NAV3: variants seen among roughly 807,000 people sequenced by gnomAD.
NAV3 encodes pore membrane and/or filament interacting like protein 1.
A neutral mutation model predicts 244.7 loss-of-function variants in NAV3; 87 were observed. The observed-to-expected ratio is 0.36, with a 90% CI of 0.30 to 0.42. NAV3 has a LOEUF of 0.42. Ranked by LOEUF, NAV3 falls within the 20% of genes least tolerant of loss-of-function variation. NAV3 has a pLI of 1.00. For synonymous variants in NAV3, 1,126 were observed against 1,042.2 expected, an observed-to-expected ratio of 1.08 and a Z score of -1.55; for missense variants, 2,663 against 2,893.3, an observed-to-expected ratio of 0.92 and a Z score of 1.83.
chr12:77,998,503 A>G, intron 7 of NAV3, 27 bp downstream of exon 7: 4 of 1,578,020 alleles, frequency 2.5e-6, no homozygotes, highest in Non-Finnish European at 2.6e-6. Flanking sequence ...TCATTATGAC[A>G]CAAGTCCAAC....
At chr12:78,208,656 T>C (rs140241789) in intron 39 of NAV3, among the ~76,000 whole-genome samples, 226 of 152,298 alleles carry the variant, frequency 1.5e-3, no homozygotes, top group Non-Finnish European at 2.8e-3. Context: ...ATATTTACTA[T>C]ATGACACCAT....
intron 5 of NAV3, among the ~76,000 whole-genome samples, chr12:77,969,994 T>A (rs1302566222): frequency 6.6e-6 from 1 of 152,196 alleles, no homozygotes; most frequent in Non-Finnish European, 1.5e-5. Flanking sequence ...GAAGGAATAA[T>A]TTAGACTATA....
chr12:77,987,125 G>T (rs1270078955), intron 5 of NAV3, among the ~76,000 whole-genome samples: 2 of 151,956 alleles, frequency 1.3e-5, no homozygotes, highest in African/African-American at 4.8e-5. Context: ...CTGTCAAATG[G>T]TATATTTTGA....
chr12:77,642,872 A>G (rs185319620), intron 2 of NAV3, among the ~76,000 whole-genome samples: 1 of 152,140 alleles, frequency 6.6e-6, no homozygotes, highest in Non-Finnish European at 1.5e-5. Flanking sequence ...TATTAATATG[A>G]AAGCTAATTT....
chr12:77,645,171 G>T (rs1316119516), intron 2 of NAV3, among the ~76,000 whole-genome samples: 1 of 152,054 alleles, frequency 6.6e-6, no homozygotes, highest in Non-Finnish European at 1.5e-5. Flanking sequence ...AAAAGAGATG[G>T]TAAAACAGCA....
Position 77,973,539 on chromosome 12 carries a change from C to G in NAV3, c.671+4837C>G, listed in dbSNP as rs796462620. Among the ~76,000 whole-genome samples, 2 of 152,152 alleles carry G rather than the reference C, an allele frequency of 1.3e-5. 1 individual carries two copies. Among genetic ancestry groups the G allele is most frequent in the Non-Finnish European group, 2.9e-5 (2 of 68,018 alleles). ...AATCCCCGGGTACACGTTTTCTGAACGGCTTGGCTGTTCCCTTGCAGCCCC... is the reference window on the plus strand; with the variant it reads ...AATCCCCGGGTACACGTTTTCTGAAGGGCTTGGCTGTTCCCTTGCAGCCCC... On this transcript the variant is annotated intron_variant, in intron 5 of 39. Transcript: ENST00000397909.
intron 2 of NAV3, among the ~76,000 whole-genome samples, chr12:77,822,296 C>T (rs1047363724): frequency 1.3e-5 from 2 of 152,118 alleles, no homozygotes; most frequent in African/African-American, 4.8e-5. Flanking sequence ...TTTAAAAATC[C>T]GTTAGCTGTC....
At chr12:77,635,606 G>A (rs1411586119) in intron 2 of NAV3, among the ~76,000 whole-genome samples, 2 of 152,132 alleles carry the variant, frequency 1.3e-5, no homozygotes, top group Non-Finnish European at 2.9e-5. Context: ...GGAACTTCCT[G>A]ATAAATTGGG....
At position 78,122,069 on chromosome 12, in the gene NAV3, C is replaced by T. The variant is rs772840862; in HGVS notation, c.3879C>T (p.Ser1293=). 3.0e-5 allele frequency: 48 copies of T among 1,614,050 alleles called. 1 individual carries two copies. In the South Asian group the frequency reaches 4.5e-4, roughly 15 times the overall value. Residue 1293 remains serine (S), a synonymous_variant, in exon 16 of 40, where the codon TCC becomes TCT. Coordinates refer to ENST00000397909, the MANE Select transcript of NAV3 (RefSeq NM_001024383.2). Reference sequence around the variant, plus strand: ...AAGGCAGTCTGGAGTCACCGTCGTCCGGTACGGGCAGCATGGGCAGTGCTG... The same window carrying T: ...AAGGCAGTCTGGAGTCACCGTCGTCTGGTACGGGCAGCATGGGCAGTGCTG... The part of the protein sequence containing the change: ...ARQGSLESPS[S]GTGSMGSAGG...
At chr12:77,728,737 A>G (rs1049264263) in intron 2 of NAV3, among the ~76,000 whole-genome samples, 1 of 151,952 alleles carries the variant, frequency 6.6e-6, no homozygotes, top group Admixed American at 6.6e-5. Context: ...ACACACTTAC[A>G]TATAGTTGAC....
At chr12:77,953,073 T>C (rs1891047068) in intron 3 of NAV3, among the ~76,000 whole-genome samples, 1 of 152,144 alleles carries the variant, frequency 6.6e-6, no homozygotes, top group African/African-American at 2.4e-5. Context: ...TAATTTTTAA[T>C]AAATTATATT....
chr12:78,063,758 C>A (rs1374588688), intron 12 of NAV3, among the ~76,000 whole-genome samples: 1 of 151,990 alleles, frequency 6.6e-6, no homozygotes, highest in Non-Finnish European at 1.5e-5. Flanking sequence ...TTTTTGACAT[C>A]CAGCCTGGGA....
intron 5 of NAV3, among the ~76,000 whole-genome samples, chr12:77,992,845 T>C (rs2136376278): frequency 6.6e-6 from 1 of 152,294 alleles, no homozygotes; most frequent in South Asian, 2.1e-4. Flanking sequence ...TAATGCCTGG[T>C]CTATGAATAG....
At chr12:77,696,782 T>G (rs2137184108) in intron 2 of NAV3, among the ~76,000 whole-genome samples, 1 of 152,304 alleles carries the variant, frequency 6.6e-6, no homozygotes, top group African/African-American at 2.4e-5. Flanking sequence ...ACTCTCATTG[T>G]TCACCTGTTT....
chr12:77,831,583 C>T lies in NAV3; in HGVS notation c.122C>T (p.Pro41Leu), dbSNP rs2136077419. The T allele has an allele frequency of 2.5e-6, 4 of 1,614,056 alleles. No homozygotes were observed. Among genetic ancestry groups the T allele is most frequent in the Non-Finnish European group, 3.4e-6 (4 of 1,179,968 alleles). The change falls in exon 1 of 40, where the codon CCT (proline) becomes CTT (leucine). Residue 41 changes from proline (P) to leucine (L), a missense_variant. Transcript: ENST00000397909. ...TTGSQHCSSR[P>L]LELTETESSM... ...GGGTCACAGCACTGTTCTTCAAGAC[C>T]TTTGGAACTTACTGAAACAGAGAGC... is the stretch of plus-strand genomic sequence containing the variant.
In NAV3 at chr12:77,760,801, A is replaced by G. The variant is rs189712379; in HGVS notation, c.73-179518A>G. Among the ~76,000 whole-genome samples, 618 of 152,324 alleles carry G rather than the reference A, an allele frequency of 4.1e-3. 3 individuals carry two copies. The highest frequency in any genetic ancestry group is 0.014 in the African/African-American group (592 of 41,572). On this transcript the variant is annotated intron_variant, in intron 2 of 8. Transcript: ENST00000550042. ...CCACAATGTTTCAAAACTTTTATCA[A>G]GCTCAAGTGTGAGTCAGGCAATTAC...
chr12:77,691,007 G>A (rs191831523), intron 2 of NAV3, among the ~76,000 whole-genome samples: 46 of 150,098 alleles, frequency 3.1e-4, no homozygotes, highest in African/African-American at 1.1e-3. Flanking sequence ...TTTTATTTCT[G>A]CTTGATTTAT....
At chr12:77,685,685 T>C (rs1874707001) in intron 2 of NAV3, among the ~76,000 whole-genome samples, 1 of 152,162 alleles carries the variant, frequency 6.6e-6, no homozygotes. Context: ...AATGGCTGTT[T>C]GTCAGGTCAT....
intron 1 of NAV3, among the ~76,000 whole-genome samples, chr12:77,852,819 C>T (rs1042471843): frequency 3.9e-5 from 6 of 152,110 alleles, no homozygotes; most frequent in African/African-American, 1.4e-4. Context: ...TCCTTATTCT[C>T]GTAGATTTAT....
Sources: gnomAD v4.1 joint callset for allele counts (sites outside exome capture counted in the v4.1 genomes callset) on GRCh38, gnomAD v4.1.1 for gene constraint, MANE v1.5 for transcripts, NCBI Gene and HGNC (gene_info 2026-07-23, HGNC 2026-07-21) for gene names.